KIAA1217: variants seen among roughly 807,000 people sequenced by gnomAD.
The protein encoded by KIAA1217 is KIAA1217.
In KIAA1217, 88 loss-of-function variants were observed where a neutral mutation model predicts 163.9. That is an observed-to-expected ratio of 0.54 (90% CI 0.45 to 0.64). KIAA1217 has a LOEUF of 0.64. KIAA1217 is among the 30% of genes least tolerant of loss of function. KIAA1217 has a pLI of 0.00. For missense variants in KIAA1217, 2,372 were observed against 2,475.0 expected, an observed-to-expected ratio of 0.96 and a Z score of 0.88; for synonymous variants, 903 against 923.1, an observed-to-expected ratio of 0.98 and a Z score of 0.39.
intron 1 of KIAA1217, among the ~76,000 whole-genome samples, chr10:23,761,125 G>A (rs1397393628): frequency 6.6e-6 from 1 of 152,122 alleles, no homozygotes. Flanking sequence ...AATTAGCTGG[G>A]CATTATAGGG....
intron 2 of KIAA1217, among the ~76,000 whole-genome samples, chr10:24,247,141 A>G (rs2073911093): frequency 7.6e-6 from 1 of 131,934 alleles, no homozygotes; most frequent in Admixed American, 8.4e-5. Context: ...TTTTTTTTCA[A>G]ATGCCCCTTT....
At chr10:23,792,625 T>G (rs945867464) in intron 1 of KIAA1217, among the ~76,000 whole-genome samples, 3 of 151,358 alleles carry the variant, frequency 2.0e-5, no homozygotes, top group Non-Finnish European at 4.4e-5. Flanking sequence ...CCCCAGTAAC[T>G]GGGACTACAG....
At chr10:24,088,068 A>C (rs1396246599) in intron 2 of KIAA1217, among the ~76,000 whole-genome samples, 1 of 123,252 alleles carries the variant, frequency 8.1e-6, no homozygotes, top group African/African-American at 2.5e-5. Context: ...CACATCTCAC[A>C]GTGGTCCTAC....
rs1161140063 is a variant in KIAA1217, at chr10:24,528,129, G to A, written c.3082+10G>A. 5.6e-6 allele frequency: 9 copies of A among 1,612,860 alleles called. No individual in the cohort carries two copies. The highest frequency in any genetic ancestry group is 1.7e-5 in the Admixed American group (1 of 59,902). ...AAGGTGGAACTTTCAGGTAAGTTCC[G>A]GTCCCACAGCAGGAATATATGGAGG... On this transcript the variant is annotated intron_variant, in intron 14 of 20. Coordinates refer to ENST00000376454, the MANE Select transcript of KIAA1217 (RefSeq NM_019590.5).
At chr10:24,260,143 ACT>A (rs1381554575) in intron 2 of KIAA1217, among the ~76,000 whole-genome samples, 9 of 151,960 alleles carry the variant, frequency 5.9e-5, no homozygotes, top group Non-Finnish European at 1.3e-4. Flanking sequence ...AAATCAAAGC[ACT>A]CTCATTGTAG....
intron 1 of KIAA1217, among the ~76,000 whole-genome samples, chr10:23,864,535 C>T (rs55837977): frequency 2.6e-5 from 4 of 150,958 alleles, no homozygotes; most frequent in African/African-American, 9.8e-5. Context: ...CACACACACA[C>T]ACACACACAC....
At chr10:23,900,265 C>T (rs1475402654) in intron 1 of KIAA1217, among the ~76,000 whole-genome samples, 1 of 152,066 alleles carries the variant, frequency 6.6e-6, no homozygotes, top group Admixed American at 6.6e-5. Context: ...CTCAGCCTCT[C>T]AAAGTGCTGA....
intron 5 of KIAA1217, among the ~76,000 whole-genome samples, chr10:24,441,925 G>C: frequency 6.6e-6 from 1 of 152,136 alleles, no homozygotes; most frequent in South Asian, 2.1e-4. Flanking sequence ...ATTCTGCTTT[G>C]AGGGTGACTT....
chr10:23,697,435 G>A (rs571292519), intron 1 of KIAA1217, among the ~76,000 whole-genome samples: 18 of 152,070 alleles, frequency 1.2e-4, no homozygotes, highest in Non-Finnish European at 2.1e-4. Context: ...TTTATTAATT[G>A]AGCCCAAGTT....
At chr10:24,105,290 A>G (rs2062580583) in intron 2 of KIAA1217, among the ~76,000 whole-genome samples, 2 of 152,178 alleles carry the variant, frequency 1.3e-5, no homozygotes, top group African/African-American at 4.8e-5. Context: ...AGTTGCAAAA[A>G]TCTCAAGTCT....
chr10:23,796,497 G>C (rs1310484158), intron 1 of KIAA1217, among the ~76,000 whole-genome samples: 1 of 152,046 alleles, frequency 6.6e-6, no homozygotes, highest in East Asian at 1.9e-4. Context: ...CCTAGTAGCT[G>C]GGATTACAGG....
intron 2 of KIAA1217, among the ~76,000 whole-genome samples, chr10:24,046,123 T>A (rs941996716): frequency 2.6e-5 from 4 of 151,908 alleles, no homozygotes; most frequent in Non-Finnish European, 5.9e-5. Flanking sequence ...ATTTTAGTTA[T>A]GTTTAACTTT....
intron 3 of KIAA1217, among the ~76,000 whole-genome samples, chr10:24,431,940 C>A (rs2059631754): frequency 6.6e-6 from 1 of 152,044 alleles, no homozygotes; most frequent in Non-Finnish European, 1.5e-5. Flanking sequence ...GTATTAGAAC[C>A]ACAGAAATCT....
At chr10:23,933,321 C>T (rs1843335947) in intron 1 of KIAA1217, among the ~76,000 whole-genome samples, 1 of 152,160 alleles carries the variant, frequency 6.6e-6, no homozygotes, top group Admixed American at 6.5e-5. Context: ...GCGTTAGTTT[C>T]TGAGATGACT....
intron 1 of KIAA1217, among the ~76,000 whole-genome samples, chr10:23,934,621 A>T (rs1174064823): frequency 0.01 from 633 of 61,642 alleles, 68 homozygotes; most frequent in African/African-American, 0.072. Context: ...ATATATATAT[A>T]TATATTTTTT....
chr10:23,846,835 G>A (rs11013749), intron 1 of KIAA1217, among the ~76,000 whole-genome samples: 60,694 of 151,796 alleles, frequency 0.4, 18,041 homozygotes, highest in African/African-American at 0.84. Context: ...GAATGCTTCC[G>A]GTTTTTGCCC....
At chr10:23,859,122 A>C (rs1385651680) in intron 1 of KIAA1217, among the ~76,000 whole-genome samples, 1 of 152,212 alleles carries the variant, frequency 6.6e-6, no homozygotes, top group Admixed American at 6.5e-5. Flanking sequence ...CCATATATGT[A>C]TATGTCTTTG....
intron 2 of KIAA1217, among the ~76,000 whole-genome samples, chr10:24,246,754 A>G (rs191172854): frequency 5.9e-4 from 90 of 152,308 alleles, no homozygotes; most frequent in African/African-American, 2.1e-3. Context: ...TTGCTGGGTC[A>G]TGTCTGTAAT....
At chr10:24,111,402 G>A (rs10828602) in intron 2 of KIAA1217, among the ~76,000 whole-genome samples, 35,530 of 151,894 alleles carry the variant, frequency 0.23, 7,075 homozygotes, top group African/African-American at 0.55. Flanking sequence ...TTCTGTGCCC[G>A]TAAAAAAAGA....
Sources: gnomAD v4.1 joint callset for allele counts (sites outside exome capture counted in the v4.1 genomes callset) on GRCh38, gnomAD v4.1.1 for gene constraint, MANE v1.5 for transcripts, NCBI Gene and HGNC (gene_info 2026-07-23, HGNC 2026-07-21) for gene names.